The following ATP6V1D variants were observed in gnomAD, a reference collection of about 807,000 sequenced individuals.
ATP6V1D encodes the protein ATPase H+ transporting V1 subunit D, also known as V-type proton ATPase subunit D.
A neutral mutation model predicts 39.4 loss-of-function variants in ATP6V1D; 20 were observed. That is an observed-to-expected ratio of 0.51 (90% CI 0.36 to 0.74). The LOEUF (loss-of-function observed/expected upper bound fraction) is 0.74. ATP6V1D is among the 30% of genes least tolerant of loss of function. The probability of loss-of-function intolerance (pLI) is 0.00; values close to 1 mark genes in which losing one functional copy is unlikely to be tolerated. For synonymous variants in ATP6V1D, 100 were observed against 100.5 expected, an observed-to-expected ratio of 0.99 and a Z score of 0.03; for missense variants, 228 against 291.6, an observed-to-expected ratio of 0.78 and a Z score of 1.59.
chr14:67,343,364 A>C lies in ATP6V1D; in HGVS notation c.523+8T>G. On this transcript the variant is annotated splice_region_variant and intron_variant, in intron 7 of 8. Coordinates refer to ENST00000216442, the MANE Select transcript of ATP6V1D (RefSeq NM_015994.4). ...GTGACAAAGCACCTCACAGTACCTA[A>C]TACTCACCATGTTCAATGGCATTTA... The C allele has an allele frequency of 6.2e-7, 1 of 1,607,564 alleles. No individual in the cohort carries two copies. The highest frequency in any genetic ancestry group is 2.2e-5 in the East Asian group (1 of 44,854).
intron 7 of ATP6V1D, among the ~76,000 whole-genome samples, chr14:67,341,557 G>A (rs1016347456): frequency 4.0e-5 from 6 of 150,630 alleles, no homozygotes; most frequent in African/African-American, 1.5e-4. Context: ...GTCCGGGAGG[G>A]AGGTGGGGGG....
At chr14:67,341,068 G>C (rs371039777) in intron 7 of ATP6V1D, among the ~76,000 whole-genome samples, 1 of 152,138 alleles carries the variant, frequency 6.6e-6, no homozygotes, top group Non-Finnish European at 1.5e-5. Context: ...CCAAAGTGCC[G>C]AGATTGCAGC....
At chr14:67,340,336 G>T (rs1235348341) in intron 8 of ATP6V1D, 104 bp downstream of exon 8, 13 of 917,178 alleles carry the variant, frequency 1.4e-5, no homozygotes, top group Non-Finnish European at 2.1e-5. Flanking sequence ...TAAAACATAA[G>T]CTGTGCTAAT....
Position 67,338,494 on chromosome 14 carries a change from T to C in ATP6V1D, c.*127A>G. On this transcript the variant is annotated 3_prime_UTR_variant, in exon 9 of 9. Coordinates refer to ENST00000216442, the MANE Select transcript of ATP6V1D (RefSeq NM_015994.4). ...AAAAGTAATCCCATAAATAGACATCTAGGTAAATTTTACAACCAGTGAAAT... is the reference window on the plus strand; with the variant it reads ...AAAAGTAATCCCATAAATAGACATCCAGGTAAATTTTACAACCAGTGAAAT... 2.0e-6 allele frequency: 2 copies of C among 991,610 alleles called. No homozygotes were observed. Among genetic ancestry groups the C allele is most frequent in the Non-Finnish European group, 2.9e-6 (2 of 681,866 alleles). The allele number at this position is 991,610 out of a possible 1,614,324, so 61.4% of individuals were successfully genotyped here. A position where few individuals can be genotyped will look rare whatever the true frequency, so the allele number is the denominator to read the frequency against.
At chr14:67,351,007 T>C (rs2085651092) in intron 2 of ATP6V1D, among the ~76,000 whole-genome samples, 1 of 152,236 alleles carries the variant, frequency 6.6e-6, no homozygotes, top group African/African-American at 2.4e-5. Context: ...TTAAATTCAC[T>C]GCAGTTGCAG....
intron 1 of ATP6V1D, among the ~76,000 whole-genome samples, chr14:67,355,247 C>T (rs976365400): frequency 9.9e-5 from 15 of 151,640 alleles, no homozygotes; most frequent in Non-Finnish European, 1.5e-4. Flanking sequence ...AAATGACATA[C>T]GTAAGATTCC....
chr14:67,352,750 T>G, intron 2 of ATP6V1D, 173 bp downstream of exon 2: 1 of 543,280 alleles, frequency 1.8e-6, no homozygotes, highest in Non-Finnish European at 3.2e-6. Flanking sequence ...GATTAAAGAG[T>G]TTGGATTTTA....
chr14:67,341,740 A>G (rs1432556722), intron 7 of ATP6V1D, among the ~76,000 whole-genome samples: 2 of 152,236 alleles, frequency 1.3e-5, no homozygotes, highest in East Asian at 1.9e-4. Flanking sequence ...TGTGGAATAG[A>G]AAAGGGGGAA....
intron 2 of ATP6V1D, chr14:67,352,696 G>A: frequency 4.9e-6 from 2 of 410,742 alleles, no homozygotes; most frequent in South Asian, 7.4e-5. Flanking sequence ...AGGTAAGAGA[G>A]GCAGGCGGGG....
chr14:67,345,910 A>G lies in ATP6V1D; in HGVS notation c.353-39T>C, dbSNP rs1207198891. On this transcript the variant is annotated intron_variant, in intron 5 of 8. Transcript: ENST00000216442. ...TCAGACAACATTTTTAATTAGAGTAAAATATCTTCCCTATAAAATTCCCCA... is the reference window on the plus strand; with the variant it reads ...TCAGACAACATTTTTAATTAGAGTAGAATATCTTCCCTATAAAATTCCCCA... The G allele has an allele frequency of 3.1e-6, 4 of 1,307,860 alleles. No individual in the cohort carries two copies. In the East Asian group the frequency reaches 6.9e-5, roughly 23 times the overall value. 81.0% of individuals were successfully genotyped at this position (1,307,860 alleles called of 1,614,324 possible).
intron 8 of ATP6V1D, among the ~76,000 whole-genome samples, chr14:67,339,304 C>CT (rs2085562283): frequency 6.6e-6 from 1 of 152,000 alleles, no homozygotes; most frequent in Non-Finnish European, 1.5e-5. Flanking sequence ...GCCTAGAAGC[C>CT]TTTATTAGGT....
At chr14:67,353,796 CCTT>C (rs1426123155) in intron 1 of ATP6V1D, 3 of 152,200 alleles carry the variant, frequency 2.0e-5, no homozygotes, top group Non-Finnish European at 4.4e-5. Context: ...CGGCCCGACT[CCTT>C]ATTTTTTGAG....
intron 6 of ATP6V1D, among the ~76,000 whole-genome samples, chr14:67,345,241 C>A (rs911040229): frequency 3.4e-5 from 5 of 148,754 alleles, no homozygotes; most frequent in Non-Finnish European, 6.0e-5. Flanking sequence ...GACCCCATTT[C>A]GAAAAATAAA....
rs747186486 is a variant in ATP6V1D at position 67,343,365 on chromosome 14, TACTC to T, written c.523+3_523+6del. 2.3e-5 allele frequency: 37 copies of T among 1,607,744 alleles called. No homozygotes were observed. The highest frequency in any genetic ancestry group is 6.7e-5 in the African/African-American group (5 of 74,856). ...TGACAAAGCACCTCACAGTACCTAA[TACTC>T]ACCATGTTCAATGGCATTTACACGC... On this transcript the variant is annotated splice_donor_5th_base_variant and intron_variant, in intron 7 of 8. Transcript: ENST00000216442.
At chr14:67,356,184 C>T (rs992729969) in intron 1 of ATP6V1D, among the ~76,000 whole-genome samples, 1 of 152,068 alleles carries the variant, frequency 6.6e-6, no homozygotes, top group Non-Finnish European at 1.5e-5. Flanking sequence ...CTTTGGGAGG[C>T]CGAGGCAGGT....
chr14:67,350,681 A>C lies in ATP6V1D; in HGVS notation c.169T>G (p.Leu57Val). ...GCTTCTCTCATCACTTCGCCCATCA[A>C]CATTTTAGTCTGGAAAAGCATAAAC... Reference protein sequence around the residue: ...ILKKIIETKMLMGEVMREAAF... With the variant: ...ILKKIIETKMVMGEVMREAAF... The change falls in exon 3 of 9, where the codon TTG (leucine) becomes GTG (valine). Residue 57 changes from leucine to valine, a missense_variant. By Grantham distance (32) the Leu-to-Val change is conservative. This residue lies in a region of ATP6V1D where 104 missense variants were observed against 120.2 expected (regional missense o/e 0.87). Coordinates refer to ENST00000216442, the MANE Select transcript of ATP6V1D (RefSeq NM_015994.4). 1.9e-6 allele frequency: 3 copies of C among 1,613,426 alleles called. No homozygotes were observed. Among genetic ancestry groups the C allele is most frequent in the Non-Finnish European group, 2.5e-6 (3 of 1,179,674 alleles).
chr14:67,354,096 T>C (rs1311526992), intron 1 of ATP6V1D: 2 of 152,216 alleles, frequency 1.3e-5, no homozygotes, highest in East Asian at 3.8e-4. Context: ...TAAATTTTTT[T>C]CTTTATAAAT....
intron 2 of ATP6V1D, among the ~76,000 whole-genome samples, chr14:67,352,306 C>A (rs2085659375): frequency 6.6e-6 from 1 of 150,582 alleles, no homozygotes; most frequent in Admixed American, 6.7e-5. Context: ...CTCGTCTCTA[C>A]TAAAAATAAA....
chr14:67,341,272 G>T (rs1017511446), intron 7 of ATP6V1D, among the ~76,000 whole-genome samples: 1 of 150,700 alleles, frequency 6.6e-6, no homozygotes, highest in Non-Finnish European at 1.5e-5. Flanking sequence ...TGTGGGGAGC[G>T]CCTCTGCCCC....
Sources: gnomAD v4.1 joint callset for allele counts (sites outside exome capture counted in the v4.1 genomes callset) on GRCh38, gnomAD v4.1.1 for gene constraint, gnomAD v4.1.1 regional missense constraint, MANE v1.5 for transcripts, NCBI Gene and HGNC (gene_info 2026-07-23, HGNC 2026-07-21) for gene names.